TPRG1: variants seen among roughly 807,000 people sequenced by gnomAD.
TPRG1 encodes the protein tumor protein p63 regulated 1.
TPRG1 carries 29 observed loss-of-function variants against 29.3 expected under a neutral mutation model. That is an observed-to-expected ratio of 0.99 (90% CI 0.74 to 1.35). TPRG1 has a LOEUF of 1.35. TPRG1 is among the 40% of genes most tolerant of loss of function. The probability of loss-of-function intolerance (pLI) is 0.00; values close to 1 mark genes in which losing one functional copy is unlikely to be tolerated. For synonymous variants in TPRG1, 130 were observed against 116.8 expected, an observed-to-expected ratio of 1.11 and a Z score of -0.73; for missense variants, 327 against 335.0, an observed-to-expected ratio of 0.98 and a Z score of 0.19.
intron 3 of TPRG1, among the ~76,000 whole-genome samples, chr3:189,014,046 A>G (rs1712792543): frequency 6.6e-6 from 1 of 152,164 alleles, no homozygotes; most frequent in African/African-American, 2.4e-5. Flanking sequence ...TCCTGCCATC[A>G]TGATGCTAGC....
At position 189,325,018 on chromosome 3, in the gene TPRG1, G is replaced by A. The variant is rs1042436872; in HGVS notation, c.*4198G>A. ...ACAACGTGCTCCGAAAGCAGTTAGG[G>A]GACTAGGCCTCTTGATTTCCTTGTA... is the stretch of plus-strand genomic sequence containing the variant. On this transcript the variant is annotated 3_prime_UTR_variant, in exon 6 of 6. Transcript: ENST00000345063. 4 of 152,030 alleles carry A rather than the reference G, an allele frequency of 2.6e-5. No homozygotes were observed. Among genetic ancestry groups the A allele is most frequent in the Non-Finnish European group, 5.9e-5 (4 of 68,008 alleles). 9.4% of individuals were successfully genotyped at this position (152,030 alleles called of 1,614,324 possible).
chr3:189,125,238 G>T (rs1218293729), intron 1 of TPRG1, among the ~76,000 whole-genome samples: 1 of 152,148 alleles, frequency 6.6e-6, no homozygotes, highest in Non-Finnish European at 1.5e-5. Context: ...AATCCTTGTT[G>T]TTCCACAAAC....
chr3:189,237,299 A>G (rs1410329530), intron 3 of TPRG1, among the ~76,000 whole-genome samples: 1 of 151,632 alleles, frequency 6.6e-6, no homozygotes, highest in Non-Finnish European at 1.5e-5. Flanking sequence ...ACACACACGC[A>G]CACACACACA....
intron 1 of TPRG1, among the ~76,000 whole-genome samples, chr3:189,199,344 T>C (rs892547581): frequency 2.0e-5 from 3 of 152,220 alleles, no homozygotes; most frequent in Non-Finnish European, 2.9e-5. Context: ...TTCTGGACAC[T>C]GAAGAAAAAT....
intron 5 of TPRG1, among the ~76,000 whole-genome samples, chr3:189,158,648 T>G (rs149863835): frequency 9.9e-4 from 151 of 152,096 alleles, no homozygotes; most frequent in African/African-American, 3.5e-3. Context: ...AATAAATAAA[T>G]TGCAATGGGA....
intron 1 of TPRG1, among the ~76,000 whole-genome samples, chr3:189,112,893 T>C (rs2108491373): frequency 6.6e-6 from 1 of 152,228 alleles, no homozygotes; most frequent in Middle Eastern, 3.4e-3. Context: ...TTTAAAGTAG[T>C]TTTTTCCAAA....
At chr3:189,007,374 A>G (rs1205931980) in intron 3 of TPRG1, among the ~76,000 whole-genome samples, 1 of 152,012 alleles carries the variant, frequency 6.6e-6, no homozygotes, top group African/African-American at 2.4e-5. Flanking sequence ...TTAGAGTGGC[A>G]ATCATTAAAA....
chr3:189,218,067 G>A (rs1344388571), intron 3 of TPRG1: 3 of 980,844 alleles, frequency 3.1e-6, no homozygotes, highest in African/African-American at 1.8e-5. Flanking sequence ...TGAATTATAG[G>A]AGCTGTAATA....
chr3:189,209,571 C>G (rs1013177443), intron 2 of TPRG1, among the ~76,000 whole-genome samples: 1 of 152,022 alleles, frequency 6.6e-6, no homozygotes, highest in Non-Finnish European at 1.5e-5. Flanking sequence ...GGCTTAACAT[C>G]CGTGTTTTAA....
chr3:189,307,700 G>T (rs750720794), intron 4 of TPRG1, among the ~76,000 whole-genome samples: 2 of 152,218 alleles, frequency 1.3e-5, no homozygotes, highest in Non-Finnish European at 2.9e-5. Flanking sequence ...CTGTCTTGTA[G>T]TGATGCTTTG....
intron 1 of TPRG1, 23 bp downstream of exon 1, chr3:189,172,154 T>C (rs1221579051): frequency 6.6e-6 from 1 of 152,252 alleles, no homozygotes; most frequent in East Asian, 1.9e-4. Context: ...GGCTTGTCAC[T>C]GGTTCTGCAG....
At chr3:189,083,904 A>G (rs941826092) in intron 4 of TPRG1, among the ~76,000 whole-genome samples, 4 of 152,202 alleles carry the variant, frequency 2.6e-5, no homozygotes, top group African/African-American at 9.6e-5. Context: ...TGGGTCAGGC[A>G]TGGTGGCTCA....
In TPRG1 at chr3:189,007,031, A is replaced by C. The variant is rs555399489; in HGVS notation, c.-660+2271A>C. ...ACACCAAAAGCAATGGCAACAAAAGACAAAATTGACAAATGGGATCTAATT... is the reference window on the plus strand; with the variant it reads ...ACACCAAAAGCAATGGCAACAAAAGCCAAAATTGACAAATGGGATCTAATT... On this transcript the variant is annotated intron_variant, in intron 3 of 10. Transcript: ENST00000433971. 9.9e-5 allele frequency among the ~76,000 whole-genome samples: 15 copies of C among 151,982 alleles called. 1 individual carries two copies. The highest frequency in any genetic ancestry group is 8.3e-4 in the South Asian group (4 of 4,822).
intron 3 of TPRG1, among the ~76,000 whole-genome samples, chr3:189,022,426 CTGTT>C (rs1713376109): frequency 6.6e-6 from 1 of 150,902 alleles, no homozygotes; most frequent in Non-Finnish European, 1.5e-5. Context: ...GATGTCCTTT[CTGTT>C]TGTTAGTTTT....
chr3:189,275,974 C>T (rs919088068), intron 4 of TPRG1, among the ~76,000 whole-genome samples: 17 of 152,074 alleles, frequency 1.1e-4, no homozygotes, highest in African/African-American at 3.9e-4. Flanking sequence ...TGTTCAGACA[C>T]CTAGGGGAAT....
rs114329934 is a variant in TPRG1, at chr3:189,281,591, T to C, written c.480-28795T>C. Among the ~76,000 whole-genome samples the C allele has an allele frequency of 7.7e-3, 1,165 of 152,170 alleles. 16 individuals are homozygous for C. Among genetic ancestry groups the C allele is most frequent in the African/African-American group, 0.027 (1,124 of 41,568 alleles). ...GTATAAGAGATATGGAGACATTTTTTATCCTAATTATATGACATGTAATTT... is the reference window on the plus strand; with the variant it reads ...GTATAAGAGATATGGAGACATTTTTCATCCTAATTATATGACATGTAATTT... On this transcript the variant is annotated intron_variant, in intron 4 of 5. Transcript: ENST00000345063.
chr3:189,267,154 A>G (rs568884452), intron 4 of TPRG1, among the ~76,000 whole-genome samples: 197 of 152,240 alleles, frequency 1.3e-3, no homozygotes, highest in Non-Finnish European at 2.2e-3. Flanking sequence ...CCACTGTGTT[A>G]TAATTGACTT....
chr3:189,188,687 C>T (rs1004837589), intron 1 of TPRG1, among the ~76,000 whole-genome samples: 12 of 152,180 alleles, frequency 7.9e-5, no homozygotes, highest in African/African-American at 2.9e-4. Flanking sequence ...CTCCCTCTTC[C>T]CTCATATAAT....
chr3:189,109,592 T>C (rs1049941458), intron 1 of TPRG1, among the ~76,000 whole-genome samples: 9 of 152,226 alleles, frequency 5.9e-5, no homozygotes, highest in African/African-American at 2.2e-4. Flanking sequence ...AGTATTACAA[T>C]GAATTATAGA....
Sources: allele counts gnomAD v4.1 joint callset (sites outside exome capture counted in the v4.1 genomes callset), GRCh38; gene constraint gnomAD v4.1.1; transcripts MANE v1.5; gene names NCBI Gene and HGNC (gene_info 2026-07-23, HGNC 2026-07-21).